ABTB2: variants seen among roughly 807,000 people sequenced by gnomAD.
The protein encoded by ABTB2 is ankyrin repeat and BTB/POZ domain-containing protein 2.
Under a neutral mutation model 104.1 loss-of-function variants are expected in ABTB2, and 56 were observed. That is an observed-to-expected ratio of 0.54 (90% CI 0.43 to 0.67). ABTB2 has a LOEUF of 0.67. Ranked by LOEUF, ABTB2 falls within the 30% of genes least tolerant of loss-of-function variation. ABTB2 has a pLI of 0.00. For missense variants in ABTB2, 1,279 were observed against 1,407.7 expected, an observed-to-expected ratio of 0.91 and a Z score of 1.46; for synonymous variants, 606 against 608.2, an observed-to-expected ratio of 1.00 and a Z score of 0.05.
intron 1 of ABTB2, among the ~76,000 whole-genome samples, chr11:34,248,088 A>ATTTTTTTTTTTTTTTTTTTTT (rs377220875): frequency 0.011 from 854 of 78,278 alleles, 39 homozygotes; most frequent in South Asian, 0.021. Context: ...CTTATCTATA[A>ATTTTTTTTTTTTTTTTTTTTT]TTTTTCTTAA....
rs764930852 is a variant in ABTB2, at chr11:34,167,322, G to T, written c.1692C>A (p.Pro564=). Residue 564 remains proline (P), a synonymous_variant, in exon 7 of 17, where the codon CCC becomes CCA. Coordinates refer to ENST00000435224, the MANE Select transcript of ABTB2 (RefSeq NM_145804.3). ...SNSPRHPSIH[P]DSRHWTSLTF... is the part of the protein sequence containing the mutation. ...TCAGTGAGGTCCAGTGCCGGCTGTC[G>T]GGGTGGATGGAAGGGTGCCTGGGGG... 1 of 1,613,392 alleles carries T rather than the reference G, an allele frequency of 6.2e-7. No homozygotes were observed. The highest frequency in any genetic ancestry group is 8.5e-7 in the Non-Finnish European group (1 of 1,179,742).
intron 14 of ABTB2, among the ~76,000 whole-genome samples, chr11:34,158,215 C>T (rs540464473): frequency 4.2e-4 from 64 of 152,292 alleles, no homozygotes; most frequent in South Asian, 1.5e-3. Context: ...AAGATCGAGA[C>T]CATCCTGGCT....
At chr11:34,195,084 GGAGT>G (rs1565137673) in intron 3 of ABTB2, among the ~76,000 whole-genome samples, 2 of 91,506 alleles carry the variant, frequency 2.2e-5, no homozygotes, top group African/African-American at 3.5e-5. Flanking sequence ...GCGGGGGGGG[GGAGT>G]GGGGGCGGGA....
At chr11:34,286,978 A>C in intron 1 of ABTB2, among the ~76,000 whole-genome samples, 1 of 152,082 alleles carries the variant, frequency 6.6e-6, no homozygotes. Context: ...AGCAGGAGGG[A>C]GCTCTGGAGG....
At chr11:34,210,026 G>A (rs1051324163) in intron 1 of ABTB2, among the ~76,000 whole-genome samples, 1 of 152,026 alleles carries the variant, frequency 6.6e-6, no homozygotes, top group African/African-American at 2.4e-5. Flanking sequence ...CTGGGAAGCC[G>A]CCTTCTTGCC....
intron 1 of ABTB2, among the ~76,000 whole-genome samples, chr11:34,341,222 A>G (rs1159791914): frequency 1.3e-5 from 2 of 152,228 alleles, no homozygotes; most frequent in Non-Finnish European, 2.9e-5. Context: ...CATTTTGCTG[A>G]GGAGGAAACA....
intron 3 of ABTB2, among the ~76,000 whole-genome samples, chr11:34,181,298 A>G (rs565072149): frequency 3.0e-4 from 45 of 152,180 alleles, no homozygotes; most frequent in Non-Finnish European, 5.9e-4. Flanking sequence ...AAAGCATATG[A>G]TTTATTGGGA....
At chr11:34,216,777 A>C (rs1853553358) in intron 1 of ABTB2, among the ~76,000 whole-genome samples, 1 of 152,150 alleles carries the variant, frequency 6.6e-6, no homozygotes, top group Non-Finnish European at 1.5e-5. Flanking sequence ...AAAGAAAAGA[A>C]ATATACATTT....
In ABTB2 at chr11:34,356,144, G is replaced by C. The variant is rs1442671424; in HGVS notation, c.883+557C>G. 6.6e-6 allele frequency among the ~76,000 whole-genome samples: 1 copy of C among 152,150 alleles called. No individual in the cohort carries two copies. Among genetic ancestry groups the C allele is most frequent in the Non-Finnish European group, 1.5e-5 (1 of 68,026 alleles). ...ACCACTACCCCTCCATCCCCCAAGAGAGCGCCTGACAGCATCCTTCAGCCC... is the reference window on the plus strand; with the variant it reads ...ACCACTACCCCTCCATCCCCCAAGACAGCGCCTGACAGCATCCTTCAGCCC... On this transcript the variant is annotated intron_variant, in intron 1 of 16. Coordinates refer to ENST00000435224, the MANE Select transcript of ABTB2 (RefSeq NM_145804.3). The surrounding 1 kb of genome is among the most constrained non-coding windows in gnomAD (Gnocchi z 4.6).
At chr11:34,185,529 G>A (rs1338495838) in intron 3 of ABTB2, among the ~76,000 whole-genome samples, 3 of 152,008 alleles carry the variant, frequency 2.0e-5, no homozygotes, top group Middle Eastern at 6.8e-3. Context: ...GTCACCCTGC[G>A]AGGGAGATAT....
chr11:34,223,583 C>G (rs1853652571), intron 1 of ABTB2, among the ~76,000 whole-genome samples: 1 of 152,216 alleles, frequency 6.6e-6, no homozygotes, highest in Admixed American at 6.5e-5. Flanking sequence ...CTGGGTGGCC[C>G]ATGCTCTAGC....
At chr11:34,319,295 C>G (rs116674609) in intron 1 of ABTB2, among the ~76,000 whole-genome samples, 3 of 152,214 alleles carry the variant, frequency 2.0e-5, no homozygotes, top group African/African-American at 4.8e-5. Flanking sequence ...GAGACCTCCC[C>G]CTTTGTGATA....
At chr11:34,230,663 C>T (rs1244970937) in intron 1 of ABTB2, among the ~76,000 whole-genome samples, 2 of 152,138 alleles carry the variant, frequency 1.3e-5, no homozygotes, top group African/African-American at 4.8e-5. Context: ...CAGACAGATG[C>T]CACAGGACCT....
At chr11:34,256,839 C>T (rs2133072148) in intron 1 of ABTB2, among the ~76,000 whole-genome samples, 1 of 152,288 alleles carries the variant, frequency 6.6e-6, no homozygotes, top group African/African-American at 2.4e-5. Context: ...AAAATTACAA[C>T]CTAAAAAATC....
intron 3 of ABTB2, among the ~76,000 whole-genome samples, chr11:34,181,929 A>G (rs1219472309): frequency 1.3e-5 from 2 of 152,190 alleles, no homozygotes; most frequent in African/African-American, 2.4e-5. Context: ...ACTGGGGTTG[A>G]ATGGGGTCAC....
intron 1 of ABTB2, among the ~76,000 whole-genome samples, chr11:34,219,389 T>C (rs967557304): frequency 1.3e-5 from 2 of 151,024 alleles, no homozygotes; most frequent in Non-Finnish European, 3.0e-5. Flanking sequence ...TACAAAAGAT[T>C]TAAAAATTAG....
intron 14 of ABTB2, among the ~76,000 whole-genome samples, chr11:34,158,942 A>T (rs1390189171): frequency 1.3e-5 from 2 of 152,124 alleles, no homozygotes; most frequent in Non-Finnish European, 2.9e-5. Flanking sequence ...GGGGCTCTGC[A>T]TTTCCAACAA....
intron 1 of ABTB2, among the ~76,000 whole-genome samples, chr11:34,329,904 T>C (rs1305776457): frequency 6.6e-6 from 1 of 152,212 alleles, no homozygotes; most frequent in Non-Finnish European, 1.5e-5. Context: ...GAAGCTACTT[T>C]ATGGTTTCTT....
chr11:34,258,536 T>TA (rs1007869154), intron 1 of ABTB2, among the ~76,000 whole-genome samples: 1 of 151,946 alleles, frequency 6.6e-6, no homozygotes, highest in African/African-American at 2.4e-5. Flanking sequence ...AATTGCCTCT[T>TA]AGAGTTGTGA....
Sources: allele counts gnomAD v4.1 joint callset (sites outside exome capture counted in the v4.1 genomes callset), GRCh38; gene constraint gnomAD v4.1.1; non-coding constraint Gnocchi (gnomAD v3.1); transcripts MANE v1.5; gene names NCBI Gene and HGNC (gene_info 2026-07-23, HGNC 2026-07-21).